The following GBX1 variants were observed in gnomAD, a reference collection of about 807,000 sequenced individuals.
The protein encoded by GBX1 is gastrulation brain homeobox 1.
In GBX1, 9 loss-of-function variants were observed where a neutral mutation model predicts 22.9. The ratio of observed to expected loss-of-function variants is 0.39; its 90% CI spans 0.24 to 0.69. The LOEUF (loss-of-function observed/expected upper bound fraction) is 0.69, where lower values mean the gene tolerates loss of function less well. Ranked by LOEUF, GBX1 falls within the 30% of genes least tolerant of loss-of-function variation. The pLI is 0.43. For synonymous variants in GBX1, 203 were observed against 227.3 expected (o/e 0.89, Z 0.96); for missense variants, 494 against 509.2 (o/e 0.97, Z 0.29).
chr7:151,167,418 G>C lies in GBX1; in HGVS notation c.131C>G (p.Thr44Ser). ...PPPRSGHLLY[T>S]GYPMFMPYRP... ...GTAGGGCATGAACATGGGGTAGCCG[G>C]TGTACAGCAAGTGGCCGGAGCGCGG... is the stretch of plus-strand genomic sequence containing the variant. The change falls in exon 1 of 2, where the codon ACC becomes AGC. Residue 44 changes from threonine (T) to serine (S), a missense_variant. Physicochemically the swap from Thr to Ser is moderately conservative, Grantham distance 58. Transcript: ENST00000297537. This position sits in a 1 kb window ranked among gnomAD's most constrained non-coding sequence, Gnocchi z 5.9. 2 of 1,520,416 alleles carry C rather than the reference G, an allele frequency of 1.3e-6. No homozygotes were observed. The highest frequency in any genetic ancestry group is 2.5e-5 in the South Asian group (2 of 81,114). 94.2% of individuals were successfully genotyped at this position (1,520,416 alleles called of 1,614,324 possible). A position where few individuals can be genotyped will look rare whatever the true frequency, so the allele number is the denominator to read the frequency against.
chr7:151,167,011 C>G lies in GBX1; in HGVS notation c.538G>C (p.Ala180Pro). 1 of 1,604,388 alleles carries G rather than the reference C, an allele frequency of 6.2e-7. No individual in the cohort carries two copies. Among genetic ancestry groups the G allele is most frequent in the Non-Finnish European group, 8.5e-7 (1 of 1,176,908 alleles). Residue 180 changes from alanine (A) to proline (P), a missense_variant and splice_region_variant, in exon 1 of 2, where the codon GCA becomes CCA. This residue lies in a region of GBX1 where 365 missense variants were observed against 340.4 expected (regional missense o/e 1.07). Transcript: ENST00000297537. The surrounding 1 kb of genome is among the most constrained non-coding windows in gnomAD (Gnocchi z 5.9). ...HFSETFPSLP[A>P]EGKVYSSDEE... ...AGCCCTGGTCGGCCCTAGCACTTAC[C>G]GGGCAGACTTGGAAAAGTCTCTGAG... is the stretch of plus-strand genomic sequence containing the variant.
Position 151,148,482 on chromosome 7 carries a change from C to T in GBX1, c.*107G>A, listed in dbSNP as rs1801038261. ...CTAGGTTAATTGCCAACTAGCCCCT[C>T]TCAAGGCAGAATCACAGTTGCAGCC... On this transcript the variant is annotated 3_prime_UTR_variant, in exon 2 of 2. Transcript: ENST00000297537. This position sits in a 1 kb window ranked among gnomAD's most constrained non-coding sequence, Gnocchi z 5.1. 1.8e-6 allele frequency: 2 copies of T among 1,120,470 alleles called. No homozygotes were observed. The highest frequency in any genetic ancestry group is 5.3e-5 in the Admixed American group (2 of 37,550). 69.4% of individuals were successfully genotyped at this position (1,120,470 alleles called of 1,614,324 possible). A position where few individuals can be genotyped will look rare whatever the true frequency, so the allele number is the denominator to read the frequency against.
At chr7:151,157,450 C>G (rs1203813343) in intron 1 of GBX1, among the ~76,000 whole-genome samples, 1 of 152,174 alleles carries the variant, frequency 6.6e-6, no homozygotes, top group Non-Finnish European at 1.5e-5. Flanking sequence ...CTATCTTCAT[C>G]TCTCTCTGCC....
intron 1 of GBX1, among the ~76,000 whole-genome samples, chr7:151,164,972 T>TACAC (rs530467945): frequency 6.6e-6 from 1 of 150,542 alleles, no homozygotes; most frequent in African/African-American, 2.4e-5. Context: ...ACAGAACTCT[T>TACAC]ACACACACAC....
In GBX1 at chr7:151,148,880, TGCTGTGCGGC is replaced by T. The variant is rs1646851730; in HGVS notation, c.791_800del (p.Arg264HisfsTer20). ...ATTCCAAAAGCTGCTCGCTGGTAAATGCTGTGCGGCGCCGTCGGCTTTTCCCCCCAGGAGC... is the reference window on the plus strand; with the variant it reads ...ATTCCAAAAGCTGCTCGCTGGTAAATGCCGTCGGCTTTTCCCCCCAGGAGC... On this transcript the variant is annotated frameshift_variant, in exon 2 of 2. Coordinates refer to ENST00000297537, the MANE Select transcript of GBX1 (RefSeq NM_001098834.3). LOFTEE classifies it high-confidence loss of function. The surrounding 1 kb of genome is among the most constrained non-coding windows in gnomAD (Gnocchi z 5.1). 1 of 1,614,080 alleles carries T rather than the reference TGCTGTGCGGC, an allele frequency of 6.2e-7. No homozygotes were observed. The highest frequency in any genetic ancestry group is 1.1e-5 in the South Asian group (1 of 91,078).
At chr7:151,150,330 A>C in intron 1 of GBX1, among the ~76,000 whole-genome samples, 1 of 152,250 alleles carries the variant, frequency 6.6e-6, no homozygotes, top group East Asian at 1.9e-4. Flanking sequence ...GACAATCAAT[A>C]GGCAGGAGAA....
chr7:151,155,023 C>T (rs1801118611), intron 1 of GBX1, among the ~76,000 whole-genome samples: 1 of 152,208 alleles, frequency 6.6e-6, no homozygotes, highest in African/African-American at 2.4e-5. Context: ...TGTGCTGTCC[C>T]TCATTCACCC....
At chr7:151,158,687 C>T (rs2150549596) in intron 1 of GBX1, among the ~76,000 whole-genome samples, 1 of 152,244 alleles carries the variant, frequency 6.6e-6, no homozygotes, top group Admixed American at 6.5e-5. Context: ...CACAGAACTA[C>T]TCTATCATCA....
chr7:151,150,835 G>T (rs1402386840), intron 1 of GBX1, among the ~76,000 whole-genome samples: 1 of 152,036 alleles, frequency 6.6e-6, no homozygotes, highest in Non-Finnish European at 1.5e-5. Flanking sequence ...CAGGCTCAAG[G>T]GATCCTCCAC....
At chr7:151,149,450 C>A (rs1219119867) in intron 1 of GBX1, among the ~76,000 whole-genome samples, 1 of 151,654 alleles carries the variant, frequency 6.6e-6, no homozygotes, top group African/African-American at 2.4e-5. Flanking sequence ...TTCCCCACCA[C>A]CCCCATCTCA....
intron 1 of GBX1, among the ~76,000 whole-genome samples, chr7:151,149,592 T>C (rs1801054374): frequency 6.6e-6 from 1 of 152,146 alleles, no homozygotes; most frequent in Admixed American, 6.5e-5. Flanking sequence ...GGGACCCGGC[T>C]TGGGATCCTT....
intron 1 of GBX1, among the ~76,000 whole-genome samples, chr7:151,163,668 T>G (rs1801211410): frequency 6.6e-6 from 1 of 152,228 alleles, no homozygotes; most frequent in African/African-American, 2.4e-5. Flanking sequence ...TTACCTATTT[T>G]TATCTTTTTA....
At chr7:151,163,330 C>T (rs1801207914) in intron 1 of GBX1, among the ~76,000 whole-genome samples, 1 of 152,002 alleles carries the variant, frequency 6.6e-6, no homozygotes, top group Non-Finnish European at 1.5e-5. Flanking sequence ...TTAGTGCTTC[C>T]TGCTCTCTTC....
At chr7:151,165,126 GT>G (rs1365849962) in intron 1 of GBX1, among the ~76,000 whole-genome samples, 4 of 152,044 alleles carry the variant, frequency 2.6e-5, no homozygotes, top group African/African-American at 7.2e-5. Context: ...GTATATTCCA[GT>G]ATACAACTCA....
At chr7:151,155,970 A>G (rs1801129010) in intron 1 of GBX1, among the ~76,000 whole-genome samples, 1 of 152,204 alleles carries the variant, frequency 6.6e-6, no homozygotes, top group Non-Finnish European at 1.5e-5. Flanking sequence ...CTAAAGCTGC[A>G]GTTAACGCTG....
intron 1 of GBX1, among the ~76,000 whole-genome samples, chr7:151,160,448 T>C (rs1801178038): frequency 6.6e-6 from 1 of 152,210 alleles, no homozygotes; most frequent in African/African-American, 2.4e-5. Context: ...GACATCTGCC[T>C]CCCATTATCC....
At chr7:151,164,974 C>CA (rs920421917) in intron 1 of GBX1, among the ~76,000 whole-genome samples, 6 of 150,678 alleles carry the variant, frequency 4.0e-5, no homozygotes, top group Non-Finnish European at 8.9e-5. Context: ...AGAACTCTTA[C>CA]ACACACACAC....
At chr7:151,156,918 G>A (rs1801141583) in intron 1 of GBX1, among the ~76,000 whole-genome samples, 1 of 146,350 alleles carries the variant, frequency 6.8e-6, no homozygotes, top group South Asian at 2.1e-4. Context: ...CCAGGAGTCA[G>A]AGGTTGCAGT....
chr7:151,160,815 T>G (rs2150550177), intron 1 of GBX1, among the ~76,000 whole-genome samples: 1 of 152,320 alleles, frequency 6.6e-6, no homozygotes, highest in African/African-American at 2.4e-5. Context: ...CAAAAAAAAT[T>G]TCCCGCCTCT....
Sources: allele counts gnomAD v4.1 joint callset (sites outside exome capture counted in the v4.1 genomes callset), GRCh38; gene constraint gnomAD v4.1.1; regional missense constraint gnomAD v4.1.1; non-coding constraint Gnocchi (gnomAD v3.1); transcripts MANE v1.5; gene names NCBI Gene and HGNC (gene_info 2026-07-23, HGNC 2026-07-21).